Variants in CPVL observed in about 807,000 individuals in gnomAD.
CPVL encodes the protein probable serine carboxypeptidase CPVL.
CPVL carries 51 observed loss-of-function variants against 63.7 expected under a neutral mutation model. That is an observed-to-expected ratio of 0.80 (90% confidence interval 0.64 to 1.01). CPVL has a LOEUF of 1.01. CPVL is among the 50% of genes least tolerant of loss of function. CPVL has a pLI of 0.00. For synonymous variants in CPVL, 195 were observed against 206.0 expected (o/e 0.95, Z 0.46); for missense variants, 530 against 573.1 (o/e 0.92, Z 0.77).
Position 29,095,152 on chromosome 7 carries a change from C to G in CPVL, c.404-10G>C, listed in dbSNP as rs756554204. ...AAGTCTCTGTCACGCACTGTGAAAA[C>G]AAAGAAGAGGGGTGAGATAGAGTCG... On this transcript the variant is annotated splice_polypyrimidine_tract_variant and intron_variant, in intron 4 of 12. Transcript: ENST00000265394. The G allele has an allele frequency of 1.9e-6, 3 of 1,612,594 alleles. No homozygotes were observed. Among genetic ancestry groups the G allele is most frequent in the Non-Finnish European group, 2.5e-6 (3 of 1,178,738 alleles).
intron 1 of CPVL, among the ~76,000 whole-genome samples, chr7:29,133,338 A>G: frequency 6.6e-6 from 1 of 152,352 alleles, no homozygotes; most frequent in South Asian, 2.1e-4. Context: ...CTTTTCTGAC[A>G]TGCTGACAGT....
intron 9 of CPVL, among the ~76,000 whole-genome samples, chr7:29,069,769 AATGTGTGT>A (rs1584165615): frequency 1.7e-5 from 2 of 114,698 alleles, no homozygotes; most frequent in Non-Finnish European, 3.5e-5. Context: ...CTCACCAGTA[AATGTGTGT>A]GTGTGTGTGT....
chr7:29,128,926 G>A (rs1317780299), intron 1 of CPVL, among the ~76,000 whole-genome samples: 1 of 152,088 alleles, frequency 6.6e-6, no homozygotes, highest in African/African-American at 2.4e-5. Context: ...CAATAGGGGA[G>A]GGAGTGGTAC....
intron 4 of CPVL, among the ~76,000 whole-genome samples, chr7:29,181,959 C>T (rs992130149): frequency 6.6e-6 from 1 of 152,208 alleles, no homozygotes; most frequent in Non-Finnish European, 1.5e-5. Flanking sequence ...AACATATCTA[C>T]AGTAAGCATG....
chr7:29,041,700 T>C (rs1216551075), intron 11 of CPVL, among the ~76,000 whole-genome samples: 1 of 152,200 alleles, frequency 6.6e-6, no homozygotes. Flanking sequence ...CAGTTAAATC[T>C]ATGGTATCGA....
chr7:29,103,189 G>C (rs971366154), intron 3 of CPVL, among the ~76,000 whole-genome samples: 10 of 139,696 alleles, frequency 7.2e-5, no homozygotes, highest in South Asian at 5.3e-4. Context: ...CTGGGGGGGG[G>C]GGGGGGGTGC....
At chr7:29,093,310 G>C (rs1786024160) in intron 5 of CPVL, among the ~76,000 whole-genome samples, 2 of 137,142 alleles carry the variant, frequency 1.5e-5, no homozygotes, top group East Asian at 4.3e-4. Context: ...CCAGGAGGCG[G>C]AGATTGCAGT....
At chr7:29,002,553 A>G (rs1784745500) in intron 12 of CPVL, among the ~76,000 whole-genome samples, 1 of 152,198 alleles carries the variant, frequency 6.6e-6, no homozygotes, top group African/African-American at 2.4e-5. Context: ...ATTTAAGGAG[A>G]AAAAAAGATA....
intron 12 of CPVL, among the ~76,000 whole-genome samples, chr7:29,023,027 G>A (rs554872671): frequency 6.6e-6 from 1 of 152,334 alleles, no homozygotes; most frequent in African/African-American, 2.4e-5. Context: ...TGGGGGACTG[G>A]CCCACCAAGT....
chr7:29,057,597 C>G (rs1283246110), intron 11 of CPVL, among the ~76,000 whole-genome samples: 2 of 152,126 alleles, frequency 1.3e-5, no homozygotes, highest in African/African-American at 2.4e-5. Flanking sequence ...TAGATTTTCT[C>G]CTAAGTTAAT....
chr7:29,146,577 G>T (rs1349681786), upstream of CPVL: 2 of 1,548,302 alleles, frequency 1.3e-6, no homozygotes, highest in African/African-American at 2.7e-5. Context: ...CGCTCCTCTA[G>T]GCTCACATGA....
intron 12 of CPVL, among the ~76,000 whole-genome samples, chr7:29,025,103 C>T (rs540541019): frequency 1.2e-4 from 19 of 152,116 alleles, no homozygotes; most frequent in Non-Finnish European, 1.8e-4. Context: ...GGATTAAATT[C>T]CCCACATAAA....
chr7:29,145,119 A>T (rs1191287761), intron 1 of CPVL, among the ~76,000 whole-genome samples: 1 of 151,902 alleles, frequency 6.6e-6, no homozygotes, highest in East Asian at 1.9e-4. Flanking sequence ...TCATATGCCA[A>T]CAAAGCCGGT....
At chr7:29,052,182 G>A (rs746193255) in intron 11 of CPVL, among the ~76,000 whole-genome samples, 1 of 151,486 alleles carries the variant, frequency 6.6e-6, no homozygotes, top group Admixed American at 6.6e-5. Context: ...CTACAAACAG[G>A]GTGTGTTGTG....
chr7:29,068,243 C>T (rs1472869229), intron 9 of CPVL, among the ~76,000 whole-genome samples: 1 of 152,172 alleles, frequency 6.6e-6, no homozygotes, highest in East Asian at 1.9e-4. Context: ...TCTCGAACTC[C>T]TGACCTTGTG....
At chr7:29,091,124 AACT>A (rs1785729831) in intron 6 of CPVL, among the ~76,000 whole-genome samples, 1 of 152,226 alleles carries the variant, frequency 6.6e-6, no homozygotes, top group Admixed American at 6.5e-5. Flanking sequence ...AAGCAAAAAG[AACT>A]ACAACAGCTA....
At chr7:29,195,210 G>T (rs1042511957) in exon 1 of CPVL, 4 of 472,732 alleles carry the variant, frequency 8.5e-6, no homozygotes, top group Non-Finnish European at 1.1e-5. Context: ...GAGAGCGGTG[G>T]TGCCCTTAGT....
intron 11 of CPVL, among the ~76,000 whole-genome samples, chr7:29,036,998 A>C (rs2128159921): frequency 6.6e-6 from 1 of 152,330 alleles, no homozygotes; most frequent in East Asian, 1.9e-4. Flanking sequence ...GTGCTCTTCC[A>C]CATTGCCTCA....
At chr7:28,996,777 A>G (rs1264502405) in intron 12 of CPVL, among the ~76,000 whole-genome samples, 2 of 152,168 alleles carry the variant, frequency 1.3e-5, no homozygotes, top group Non-Finnish European at 1.5e-5. Flanking sequence ...ACACCCATCC[A>G]CTAATCCATC....
Sources: allele counts gnomAD v4.1 joint callset (sites outside exome capture counted in the v4.1 genomes callset), GRCh38; gene constraint gnomAD v4.1.1; transcripts MANE v1.5; gene names NCBI Gene and HGNC (gene_info 2026-07-23, HGNC 2026-07-21).